Variants in KCNH1 observed in about 807,000 individuals in gnomAD.
KCNH1 encodes the protein potassium voltage-gated channel subfamily H member 1.
A neutral mutation model predicts 69.2 loss-of-function variants in KCNH1; 27 were observed. The ratio of observed to expected loss-of-function variants is 0.39; its 90% CI spans 0.29 to 0.54. The LOEUF is 0.54. Ranked by LOEUF, KCNH1 falls within the 20% of genes least tolerant of loss-of-function variation. KCNH1 has a pLI of 0.68. For synonymous variants in KCNH1, 456 were observed against 487.7 expected (o/e 0.93, Z 0.86); for missense variants, 798 against 1,261.6 (o/e 0.63, Z 5.57).
intron 5 of KCNH1, among the ~76,000 whole-genome samples, chr1:211,060,144 T>C (rs1043800904): frequency 2.6e-5 from 4 of 151,448 alleles, no homozygotes; most frequent in Non-Finnish European, 4.4e-5. Flanking sequence ...AGCGGGTCAA[T>C]GAAGAAATGA....
At chr1:210,841,614 G>A (rs138173886) in intron 7 of KCNH1, among the ~76,000 whole-genome samples, 2 of 152,272 alleles carry the variant, frequency 1.3e-5, no homozygotes, top group African/African-American at 4.8e-5. Flanking sequence ...ATGGGAAAAA[G>A]TAACAGGCCC....
intron 10 of KCNH1, among the ~76,000 whole-genome samples, chr1:210,718,294 A>T (rs66730406): frequency 0.2 from 26,611 of 130,668 alleles, 3,802 homozygotes; most frequent in African/African-American, 0.37. Flanking sequence ...ATATGTGTAT[A>T]TAAATATATG....
intron 6 of KCNH1, among the ~76,000 whole-genome samples, chr1:210,983,122 T>G (rs1219824837): frequency 6.6e-6 from 1 of 151,734 alleles, no homozygotes; most frequent in Non-Finnish European, 1.5e-5. Context: ...GGGTTGTTTG[T>G]TTTTTTCTTG....
chr1:210,756,086 T>C (rs1386556795), intron 10 of KCNH1, among the ~76,000 whole-genome samples: 1 of 152,208 alleles, frequency 6.6e-6, no homozygotes, highest in Non-Finnish European at 1.5e-5. Context: ...TCCAATATTT[T>C]AAACTCCATT....
chr1:210,997,406 G>A (rs908994664), intron 6 of KCNH1, among the ~76,000 whole-genome samples: 4 of 152,182 alleles, frequency 2.6e-5, no homozygotes, highest in African/African-American at 9.7e-5. Context: ...GGAAGAAAGG[G>A]TATCAGTGAT....
At chr1:210,692,249 T>G (rs575763150) in intron 10 of KCNH1, among the ~76,000 whole-genome samples, 2 of 152,162 alleles carry the variant, frequency 1.3e-5, no homozygotes, top group Admixed American at 6.5e-5. Context: ...ATTGGACATA[T>G]CTACTTTTGA....
At chr1:211,087,211 C>G (rs184194963) in intron 4 of KCNH1, among the ~76,000 whole-genome samples, 16 of 152,282 alleles carry the variant, frequency 1.1e-4, no homozygotes, top group Admixed American at 7.2e-4. Flanking sequence ...CTCTTAGAAA[C>G]CTACTCTGAA....
intron 4 of KCNH1, 58 bp downstream of exon 4, chr1:211,090,504 G>C: frequency 6.8e-7 from 1 of 1,481,196 alleles, no homozygotes. Context: ...TCTGTAACAA[G>C]AGCCACAATA....
intron 10 of KCNH1, among the ~76,000 whole-genome samples, chr1:210,692,413 G>A (rs772663615): frequency 1.2e-4 from 19 of 152,262 alleles, no homozygotes; most frequent in African/African-American, 3.4e-4. Flanking sequence ...AAGAGATGGC[G>A]CTGCTGTGCA....
At chr1:210,864,561 A>T (rs1261868518) in intron 7 of KCNH1, among the ~76,000 whole-genome samples, 1 of 152,228 alleles carries the variant, frequency 6.6e-6, no homozygotes, top group East Asian at 1.9e-4. Context: ...GGTAACCCTA[A>T]GGGTTTGGGC....
chr1:210,865,171 C>T (rs191504944), intron 7 of KCNH1, among the ~76,000 whole-genome samples: 17 of 152,240 alleles, frequency 1.1e-4, no homozygotes, highest in Admixed American at 7.8e-4. Flanking sequence ...CTGGAATATA[C>T]AATCTGCTTC....
intron 5 of KCNH1, among the ~76,000 whole-genome samples, chr1:211,034,442 G>A (rs1180019408): frequency 3.2e-5 from 4 of 124,232 alleles, no homozygotes; most frequent in Non-Finnish European, 5.2e-5. Flanking sequence ...GAAGGGGGTG[G>A]GGGGTGCCCA....
chr1:210,730,739 C>T (rs1334472909), intron 10 of KCNH1, among the ~76,000 whole-genome samples: 1 of 152,180 alleles, frequency 6.6e-6, no homozygotes, highest in Non-Finnish European at 1.5e-5. Context: ...TACGGAAAAG[C>T]TCTGCCCAGG....
chr1:210,714,272 G>T (rs1436652453), intron 10 of KCNH1, among the ~76,000 whole-genome samples: 1 of 152,106 alleles, frequency 6.6e-6, no homozygotes, highest in Non-Finnish European at 1.5e-5. Context: ...GTCAGTAAGG[G>T]GAGTAAAGTA....
rs571923686 is a variant in KCNH1 at position 210,737,077 on chromosome 1, C to T, written c.2112+38271G>A. Among the ~76,000 whole-genome samples the T allele has an allele frequency of 2.4e-4, 36 of 152,318 alleles. 2 individuals carry two copies. In the South Asian group the frequency reaches 7.2e-3, roughly 31 times the overall value. ...GGCAGTCAAGAAGTAGCCAAAGCCACGTGGTGATCAGATCTTTTATTTTCA... is the reference window on the plus strand; with the variant it reads ...GGCAGTCAAGAAGTAGCCAAAGCCATGTGGTGATCAGATCTTTTATTTTCA... On this transcript the variant is annotated intron_variant, in intron 10 of 10. Transcript: ENST00000271751.
intron 7 of KCNH1, among the ~76,000 whole-genome samples, chr1:210,832,431 T>C (rs902770600): frequency 2.0e-5 from 3 of 152,226 alleles, no homozygotes; most frequent in Admixed American, 2.0e-4. Context: ...AGATCTACTT[T>C]TTAAAACTGC....
chr1:211,026,679 G>A (rs372453148), intron 5 of KCNH1, among the ~76,000 whole-genome samples: 3 of 152,218 alleles, frequency 2.0e-5, no homozygotes, highest in African/African-American at 7.2e-5. Context: ...TCCACACAAT[G>A]CCACCTCCAC....
chr1:210,998,889 T>C (rs1689108713), intron 6 of KCNH1, among the ~76,000 whole-genome samples: 1 of 152,178 alleles, frequency 6.6e-6, no homozygotes, highest in African/African-American at 2.4e-5. Flanking sequence ...ACATGGAAAC[T>C]GAACAACCTG....
intron 1 of KCNH1, chr1:211,132,928 G>T (rs1159100577): frequency 6.6e-6 from 1 of 152,090 alleles, no homozygotes; most frequent in African/African-American, 2.4e-5. Context: ...TGCTTAGTTG[G>T]GGTCTCTCCT....
Sources: gnomAD v4.1 joint callset for allele counts (sites outside exome capture counted in the v4.1 genomes callset) on GRCh38, gnomAD v4.1.1 for gene constraint, MANE v1.5 for transcripts, NCBI Gene and HGNC (gene_info 2026-07-23, HGNC 2026-07-21) for gene names.